The following NRXN3 variants were observed in gnomAD, a reference collection of about 807,000 sequenced individuals.
The protein encoded by NRXN3 is neurexin 3, also known as neurexin III.
A neutral mutation model predicts 137.6 loss-of-function variants in NRXN3; 32 were observed. That is an observed-to-expected ratio of 0.23 (90% confidence interval 0.18 to 0.31). The LOEUF is 0.31. Ranked by LOEUF, NRXN3 falls within the 10% of genes least tolerant of loss-of-function variation. The pLI, the probability that NRXN3 is intolerant of heterozygous loss-of-function variation, is 1.00. For missense variants in NRXN3, 1,574 were observed against 2,062.5 expected, an observed-to-expected ratio of 0.76 and a Z score of 4.59; for synonymous variants, 798 against 784.5, an observed-to-expected ratio of 1.02 and a Z score of -0.29.
intron 10 of NRXN3, among the ~76,000 whole-genome samples, chr14:78,877,789 T>A (rs576692636): frequency 2.4e-4 from 36 of 152,328 alleles, no homozygotes; most frequent in African/African-American, 8.7e-4. Context: ...GAACTCATCC[T>A]TTATTCATTC....
chr14:78,913,274 C>CTTTTTTTTTTTTTTTTTTTT (rs1157942892), intron 10 of NRXN3, among the ~76,000 whole-genome samples: 24 of 47,862 alleles, frequency 5.0e-4, no homozygotes, highest in South Asian at 1.1e-3. Context: ...TTCTTTCTTT[C>CTTTTTTTTTTTTTTTTTTTT]TTTTTTTTTT....
intron 16 of NRXN3, among the ~76,000 whole-genome samples, chr14:79,499,987 GTGTGTT>G (rs1325653321): frequency 1.3e-5 from 2 of 151,046 alleles, no homozygotes; most frequent in Admixed American, 1.3e-4. Context: ...GTGTGTGTGT[GTGTGTT>G]AAAGGACGAA....
intron 1 of NRXN3, among the ~76,000 whole-genome samples, chr14:78,199,646 T>A (rs1200358403): frequency 6.6e-6 from 1 of 152,184 alleles, no homozygotes; most frequent in African/African-American, 2.4e-5. Context: ...AAGCTCTCAA[T>A]GAACCCACTC....
chr14:78,187,313 T>G (rs2060314644), intron 1 of NRXN3, among the ~76,000 whole-genome samples: 1 of 151,722 alleles, frequency 6.6e-6, no homozygotes, highest in Non-Finnish European at 1.5e-5. Context: ...GGTTTCAAGA[T>G]GTGGAGGGAA....
chr14:78,490,641 T>C (rs1425000567), intron 4 of NRXN3, among the ~76,000 whole-genome samples: 1 of 152,196 alleles, frequency 6.6e-6, no homozygotes, highest in African/African-American at 2.4e-5. Flanking sequence ...ATGTTTGCAT[T>C]GAGCCCAAGT....
intron 15 of NRXN3, among the ~76,000 whole-genome samples, chr14:79,225,676 AG>A (rs1449512735): frequency 6.6e-6 from 1 of 152,208 alleles, no homozygotes; most frequent in Non-Finnish European, 1.5e-5. Context: ...CTAAAATAAA[AG>A]TTGAAATTAT....
intron 15 of NRXN3, among the ~76,000 whole-genome samples, chr14:79,395,560 G>C (rs906423405): frequency 1.3e-5 from 2 of 151,754 alleles, no homozygotes; most frequent in Non-Finnish European, 2.9e-5. Context: ...TGTAATCCCA[G>C]CACTTTGGGA....
intron 15 of NRXN3, among the ~76,000 whole-genome samples, chr14:79,116,602 G>C (rs1413377993): frequency 6.6e-6 from 1 of 152,190 alleles, no homozygotes; most frequent in African/African-American, 2.4e-5. Context: ...CCTCCTTTCA[G>C]AGTGAATATT....
chr14:78,227,301 C>G (rs1339266666), intron 1 of NRXN3, among the ~76,000 whole-genome samples: 1 of 151,938 alleles, frequency 6.6e-6, no homozygotes, highest in Non-Finnish European at 1.5e-5. Flanking sequence ...CTGAACGAAC[C>G]ATGTTCTGTC....
intron 15 of NRXN3, among the ~76,000 whole-genome samples, chr14:79,456,898 A>G (rs1425792777): frequency 1.3e-5 from 2 of 152,068 alleles, no homozygotes; most frequent in Non-Finnish European, 2.9e-5. Flanking sequence ...TCTAAATTCA[A>G]CAGCTTGTCT....
intron 11 of NRXN3, among the ~76,000 whole-genome samples, chr14:78,962,289 A>T (rs1205415566): frequency 6.6e-6 from 1 of 152,154 alleles, no homozygotes; most frequent in Non-Finnish European, 1.5e-5. Context: ...CTTCTCTACA[A>T]TTTTATTGTG....
chr14:78,333,213 A>C (rs2081045805), intron 4 of NRXN3, among the ~76,000 whole-genome samples: 1 of 152,206 alleles, frequency 6.6e-6, no homozygotes, highest in African/African-American at 2.4e-5. Flanking sequence ...CTGCAGGCCT[A>C]AGGGAGACTG....
chr14:79,214,527 A>G (rs1280518096), intron 15 of NRXN3, among the ~76,000 whole-genome samples: 1 of 152,158 alleles, frequency 6.6e-6, no homozygotes, highest in Non-Finnish European at 1.5e-5. Flanking sequence ...TAGGCCAATT[A>G]CTCTGATCTG....
intron 4 of NRXN3, among the ~76,000 whole-genome samples, chr14:78,610,492 T>G (rs1034614536): frequency 1.3e-5 from 2 of 152,130 alleles, no homozygotes; most frequent in African/African-American, 4.8e-5. Flanking sequence ...TCATGCCAGG[T>G]CCCCTTCTCT....
At chr14:79,602,173 C>T (rs1257813110) in intron 16 of NRXN3, among the ~76,000 whole-genome samples, 1 of 152,168 alleles carries the variant, frequency 6.6e-6, no homozygotes, top group Non-Finnish European at 1.5e-5. Context: ...TTCACAAGCC[C>T]TGTGTCATGC....
At chr14:78,893,678 C>G (rs559508550) in intron 10 of NRXN3, among the ~76,000 whole-genome samples, 3 of 151,918 alleles carry the variant, frequency 2.0e-5, no homozygotes, top group Non-Finnish European at 4.4e-5. Flanking sequence ...ACTCCAGGAT[C>G]TTTGTTACAC....
intron 2 of NRXN3, among the ~76,000 whole-genome samples, chr14:78,275,766 A>G (rs1372930264): frequency 2.0e-5 from 3 of 152,118 alleles, no homozygotes; most frequent in Non-Finnish European, 4.4e-5. Flanking sequence ...GGTCACCTCT[A>G]GCAAACCACG....
intron 15 of NRXN3, among the ~76,000 whole-genome samples, chr14:79,125,452 G>A (rs1364654607): frequency 1.3e-5 from 2 of 152,172 alleles, no homozygotes; most frequent in South Asian, 2.1e-4. Flanking sequence ...GGACTGATGG[G>A]AAATAGGCCA....
At chr14:78,801,641 G>T (rs1202142001) in intron 8 of NRXN3, among the ~76,000 whole-genome samples, 2 of 152,126 alleles carry the variant, frequency 1.3e-5, no homozygotes, top group African/African-American at 4.8e-5. Context: ...ATGAGATTTG[G>T]GTGGGGACAC....
Sources: allele counts gnomAD v4.1 joint callset (sites outside exome capture counted in the v4.1 genomes callset), GRCh38; gene constraint gnomAD v4.1.1; transcripts MANE v1.5; gene names NCBI Gene and HGNC (gene_info 2026-07-23, HGNC 2026-07-21).